OTUD7A: variants seen among roughly 807,000 people sequenced by gnomAD.
OTUD7A encodes OTU deubiquitinase 7A, also known as OTU domain-containing protein 7A.
Under a neutral mutation model 65.7 loss-of-function variants are expected in OTUD7A, and 12 were observed. That is an observed-to-expected ratio of 0.18 (90% confidence interval 0.12 to 0.30). The LOEUF (loss-of-function observed/expected upper bound fraction) is 0.30. OTUD7A is among the 10% of genes least tolerant of loss of function. The pLI is 1.00. For missense variants in OTUD7A, 1,148 were observed against 1,304.8 expected (o/e 0.88, Z 1.85); for synonymous variants, 641 against 586.3 (o/e 1.09, Z -1.35).
rs182332867 is a variant in OTUD7A, at chr15:31,745,768, T to A, written c.-99-88691A>T. 2.9e-4 allele frequency among the ~76,000 whole-genome samples: 44 copies of A among 152,064 alleles called. No individual in the cohort carries two copies. In the East Asian group the frequency reaches 7.0e-3, roughly 24 times the overall value. The stretch of plus-strand genomic sequence containing the variant: ...GACAAATCCCCAAATGAGAAAAAAA[T>A]ATTCACAAGACAGACTTGACAAATG... On this transcript the variant is annotated intron_variant, in intron 1 of 12. Coordinates refer to ENST00000307050, the MANE Select transcript of OTUD7A (RefSeq NM_001382637.1).
At chr15:31,845,130 A>G (rs1897267911) in intron 1 of OTUD7A, among the ~76,000 whole-genome samples, 1 of 152,170 alleles carries the variant, frequency 6.6e-6, no homozygotes, top group Admixed American at 6.5e-5. Context: ...TCTGGTTCCC[A>G]TGTTACAGCT....
intron 3 of OTUD7A, among the ~76,000 whole-genome samples, chr15:31,584,255 T>C (rs1171399043): frequency 1.3e-5 from 2 of 152,242 alleles, no homozygotes; most frequent in East Asian, 3.9e-4. Flanking sequence ...CAGACCTTTC[T>C]GACACTGCAC....
At chr15:31,734,585 A>C (rs2455700) in intron 1 of OTUD7A, among the ~76,000 whole-genome samples, 2 of 152,286 alleles carry the variant, frequency 1.3e-5, no homozygotes, top group East Asian at 1.9e-4. Context: ...CAATAGAGAG[A>C]CCAGAAATAA....
chr15:31,858,744 C>A (rs909644772), intron 1 of OTUD7A, among the ~76,000 whole-genome samples: 1 of 152,244 alleles, frequency 6.6e-6, no homozygotes, highest in Non-Finnish European at 1.5e-5. Flanking sequence ...CCACCATTCA[C>A]TGGGCTAGCC....
chr15:31,512,440 A>G (rs1434324546), intron 8 of OTUD7A, among the ~76,000 whole-genome samples: 2 of 152,324 alleles, frequency 1.3e-5, no homozygotes, highest in African/African-American at 4.8e-5. Context: ...ACTTGAATAT[A>G]AATTTAATTT....
intron 8 of OTUD7A, among the ~76,000 whole-genome samples, chr15:31,507,637 GGGGC>G (rs576557430): frequency 0.017 from 196 of 11,364 alleles, 3 homozygotes; most frequent in African/African-American, 0.093. Context: ...TGCTGGCTGG[GGGGC>G]GGGGGTGGCA....
intron 1 of OTUD7A, among the ~76,000 whole-genome samples, chr15:31,731,882 T>TA (rs1375465175): frequency 3.3e-5 from 5 of 151,908 alleles, no homozygotes; most frequent in Middle Eastern, 3.2e-3. Flanking sequence ...TAAAGTGTAT[T>TA]AAAAAAAGGG....
intron 8 of OTUD7A, among the ~76,000 whole-genome samples, chr15:31,521,673 G>A (rs951614859): frequency 2.0e-5 from 3 of 152,110 alleles, no homozygotes; most frequent in African/African-American, 7.2e-5. Context: ...GAAATCACTT[G>A]GGATTCTAGC....
chr15:31,820,653 T>C (rs1386265552), intron 1 of OTUD7A, among the ~76,000 whole-genome samples: 1 of 152,258 alleles, frequency 6.6e-6, no homozygotes, highest in Non-Finnish European at 1.5e-5. Flanking sequence ...AGCTGTGCTC[T>C]TATAACAGGT....
At chr15:31,564,067 A>AAATAAT (rs3075493) in intron 4 of OTUD7A, among the ~76,000 whole-genome samples, 1 of 151,000 alleles carries the variant, frequency 6.6e-6, no homozygotes, top group Non-Finnish European at 1.5e-5. Context: ...TCAGAATGCA[A>AAATAAT]AATAATAATA....
At position 31,478,676 on chromosome 15, in the gene OTUD7A, T is replaced by G. The variant is rs73370512; in HGVS notation, c.*4618A>C. ...GCAGGGCATCTCCCTCGCTCTTTTC[T>G]GCTGGGGGTGCAGTGGGGAGGAATA... is the stretch of plus-strand genomic sequence containing the variant. On this transcript the variant is annotated 3_prime_UTR_variant, in exon 13 of 13. Coordinates refer to ENST00000307050, the MANE Select transcript of OTUD7A (RefSeq NM_001382637.1). 0.025 allele frequency: 3,850 copies of G among 152,368 alleles called. 79 individuals are homozygous for G. The highest frequency in any genetic ancestry group is 0.065 in the African/African-American group (2,708 of 41,546). The allele number at this position is 152,368 out of a possible 1,614,324, so 9.4% of individuals were successfully genotyped here.
chr15:31,766,911 T>C, intron 1 of OTUD7A: 4 of 1,610,280 alleles, frequency 2.5e-6, no homozygotes, highest in Non-Finnish European at 2.5e-6. Context: ...CTACAATTCC[T>C]TCCAAAGAAT....
At chr15:31,547,562 A>G (rs2141141628) in intron 5 of OTUD7A, among the ~76,000 whole-genome samples, 1 of 152,338 alleles carries the variant, frequency 6.6e-6, no homozygotes, top group East Asian at 1.9e-4. Context: ...TAAAAGTGAG[A>G]ACATAATGAC....
chr15:31,515,252 G>A (rs1429477828), intron 8 of OTUD7A, among the ~76,000 whole-genome samples: 1 of 152,140 alleles, frequency 6.6e-6, no homozygotes, highest in Non-Finnish European at 1.5e-5. Flanking sequence ...AGCGGGCAGA[G>A]CAAGGTGAAT....
chr15:31,493,999 T>C (rs2041351957), intron 10 of OTUD7A, among the ~76,000 whole-genome samples: 1 of 152,196 alleles, frequency 6.6e-6, no homozygotes, highest in Non-Finnish European at 1.5e-5. Flanking sequence ...AGGGAAGTAA[T>C]GATAGCCTGT....
At chr15:31,755,039 ATGTGTGTGTTCCTCTGTGTTCGTG>A (rs1413060986) in intron 1 of OTUD7A, among the ~76,000 whole-genome samples, 2 of 149,734 alleles carry the variant, frequency 1.3e-5, no homozygotes, top group African/African-American at 4.9e-5. Flanking sequence ...GTGTGTGATT[ATGTGTGTGTTCCTCTGTGTTCGTG>A]TGTGTGTGTG....
chr15:31,869,529 G>A (rs948385679), intron 1 of OTUD7A, among the ~76,000 whole-genome samples: 2 of 152,158 alleles, frequency 1.3e-5, no homozygotes, highest in Non-Finnish European at 2.9e-5. Flanking sequence ...ATCACCTGGC[G>A]GTAACCATGT....
chr15:31,770,424 AC>A (rs1364894200), intron 1 of OTUD7A, among the ~76,000 whole-genome samples: 34 of 152,228 alleles, frequency 2.2e-4, no homozygotes, highest in African/African-American at 7.2e-4. Context: ...TAAGCTGGTA[AC>A]AATACTCTTC....
chr15:31,763,385 T>C (rs1895021977), intron 1 of OTUD7A, among the ~76,000 whole-genome samples: 4 of 152,016 alleles, frequency 2.6e-5, no homozygotes, highest in Admixed American at 2.0e-4. Context: ...AAAAATACAA[T>C]AGCTGACATG....
Sources: allele counts gnomAD v4.1 joint callset (sites outside exome capture counted in the v4.1 genomes callset), GRCh38; gene constraint gnomAD v4.1.1; transcripts MANE v1.5; gene names NCBI Gene and HGNC (gene_info 2026-07-23, HGNC 2026-07-21).